Variants in SYNPR observed in about 807,000 individuals in gnomAD.
SYNPR encodes the protein synaptoporin.
SYNPR carries 23 observed loss-of-function variants against 32.9 expected under a neutral mutation model. The observed-to-expected ratio is 0.70, with a 90% CI of 0.50 to 0.99. SYNPR has a LOEUF of 0.99. Among genes scored for constraint, SYNPR ranks in the 50% least tolerant of loss-of-function variants. The probability of loss-of-function intolerance (pLI) is 0.00; values close to 1 mark genes in which losing one functional copy is unlikely to be tolerated. For missense variants in SYNPR, 318 were observed against 349.3 expected (o/e 0.91, Z 0.71); for synonymous variants, 146 against 135.9 (o/e 1.07, Z -0.52).
At chr3:63,203,205 T>C in the SYNPR span, 3 of 151,434 alleles carry the variant, frequency 2.0e-5, no homozygotes, top group Non-Finnish European at 4.4e-5. Context: ...AGCAGAAATA[T>C]TAGGATTCTA....
At chr3:63,522,242 C>T (rs868327683) in intron 3 of SYNPR, among the ~76,000 whole-genome samples, 1 of 152,186 alleles carries the variant, frequency 6.6e-6, no homozygotes, top group Non-Finnish European at 1.5e-5. Context: ...TAGGACCATC[C>T]TCTATCGTTC....
chr3:63,521,761 A>T (rs1701919388), intron 3 of SYNPR, among the ~76,000 whole-genome samples: 1 of 152,204 alleles, frequency 6.6e-6, no homozygotes, highest in African/African-American at 2.4e-5. Flanking sequence ...TGCAGGAAAC[A>T]CTTGGCACAT....
intron 2 of SYNPR, among the ~76,000 whole-genome samples, chr3:63,323,654 C>T (rs1184457008): frequency 6.6e-6 from 1 of 151,046 alleles, no homozygotes; most frequent in Non-Finnish European, 1.5e-5. Flanking sequence ...TGGAGAATTA[C>T]AAATAAAAGA....
At chr3:63,221,444 G>A in the SYNPR span, among the ~76,000 whole-genome samples, 2 of 152,148 alleles carry the variant, frequency 1.3e-5, no homozygotes, top group African/African-American at 4.8e-5. Flanking sequence ...AAATACTGAT[G>A]TAATCTTTGA....
chr3:63,408,328 G>T lies in SYNPR; in HGVS notation c.85-72504G>T, dbSNP rs574912566. ...GGAAGGAAGGAAGGAAGGAAAGAAA[G>T]AAAGAAAGAAAGAAAGAAAGAAAGA... On this transcript the variant is annotated intron_variant, in intron 2 of 5. Coordinates refer to ENST00000478300, the MANE Select transcript of SYNPR (RefSeq NM_001130003.2). Among the ~76,000 whole-genome samples, 20 of 125,842 alleles carry T rather than the reference G, an allele frequency of 1.6e-4. No individual in the cohort carries two copies. In the East Asian group the frequency reaches 3.4e-3, roughly 21 times the overall value. The allele number at this position is 125,842 out of a possible 152,430, so 82.6% of individuals were successfully genotyped here.
intron 2 of SYNPR, among the ~76,000 whole-genome samples, chr3:63,425,997 G>T (rs7650905): frequency 0.069 from 10,515 of 151,900 alleles, 755 homozygotes; most frequent in African/African-American, 0.18. Flanking sequence ...ATATTGGCCC[G>T]GCTGGTCTTG....
chr3:63,338,460 T>A (rs1252975957), intron 2 of SYNPR, among the ~76,000 whole-genome samples: 2 of 152,178 alleles, frequency 1.3e-5, no homozygotes, highest in South Asian at 4.1e-4. Flanking sequence ...TTGGTAGCAA[T>A]AGAGTTAAGT....
chr3:63,255,858 G>T lies in SYNPR; in HGVS notation n.154+3272G>T, dbSNP rs569307370. ...TGACAGATGGCACCTGGAAAACCGG[G>T]TCACTCCCACCCTAATACTGCACTT... On this transcript the variant is annotated intron_variant and non_coding_transcript_variant, in intron 2 of 4. Coordinates refer to the SYNPR transcript ENST00000478456. 6.6e-5 allele frequency among the ~76,000 whole-genome samples: 10 copies of T among 152,294 alleles called. No individual in the cohort carries two copies. In the South Asian group the frequency reaches 1.9e-3, roughly 28 times the overall value.
At chr3:63,361,616 A>G (rs1201337170) in intron 2 of SYNPR, among the ~76,000 whole-genome samples, 1 of 146,498 alleles carries the variant, frequency 6.8e-6, no homozygotes, top group Non-Finnish European at 1.5e-5. Flanking sequence ...AAAAAAAAAA[A>G]GGAGGGGGGG....
At chr3:63,454,691 T>C (rs1700447373) in intron 2 of SYNPR, among the ~76,000 whole-genome samples, 1 of 152,046 alleles carries the variant, frequency 6.6e-6, no homozygotes, top group Admixed American at 6.6e-5. Context: ...TACTTATTTG[T>C]CAATCCCTTG....
At chr3:63,610,697 T>C (rs1363903228) in intron 5 of SYNPR, 1 of 421,366 alleles carries the variant, frequency 2.4e-6, no homozygotes, top group Non-Finnish European at 4.2e-6. Flanking sequence ...ATAGACAGTA[T>C]TTAATGAAAG....
intron 2 of SYNPR, among the ~76,000 whole-genome samples, chr3:63,295,189 A>C (rs528153820): frequency 6.6e-6 from 1 of 152,300 alleles, no homozygotes; most frequent in South Asian, 2.1e-4. Flanking sequence ...ATTTTGGGCT[A>C]TGTCGGCCTC....
intron 2 of SYNPR, among the ~76,000 whole-genome samples, chr3:63,266,774 T>C (rs1051419049): frequency 6.6e-6 from 1 of 151,678 alleles, no homozygotes; most frequent in African/African-American, 2.4e-5. Context: ...TGTGTCTCAC[T>C]TGTCAACATG....
At chr3:63,405,665 C>A (rs558566580) in intron 2 of SYNPR, among the ~76,000 whole-genome samples, 6 of 152,226 alleles carry the variant, frequency 3.9e-5, no homozygotes, top group African/African-American at 1.4e-4. Context: ...CTTCAGGCTG[C>A]CATGTGGACA....
At chr3:63,520,259 TGGAATTCTGGGAAA>T (rs1415472343) in intron 3 of SYNPR, among the ~76,000 whole-genome samples, 3 of 152,222 alleles carry the variant, frequency 2.0e-5, no homozygotes, top group African/African-American at 7.2e-5. Flanking sequence ...GGAAGTTAAA[TGGAATTCTGGGAAA>T]GGAATTCTGG....
chr3:63,601,815 T>C (rs1700048892), intron 4 of SYNPR, among the ~76,000 whole-genome samples: 1 of 152,212 alleles, frequency 6.6e-6, no homozygotes, highest in South Asian at 2.1e-4. Context: ...GTCCTTATGG[T>C]AGAGTGATTT....
intron 4 of SYNPR, among the ~76,000 whole-genome samples, chr3:63,596,219 T>G (rs1024669702): frequency 2.0e-5 from 3 of 150,910 alleles, no homozygotes; most frequent in African/African-American, 7.3e-5. Context: ...CCCTTCTTCG[T>G]GCTCCCCTCT....
At chr3:63,455,838 G>A (rs7650629) in intron 2 of SYNPR, among the ~76,000 whole-genome samples, 62,489 of 151,038 alleles carry the variant, frequency 0.41, 14,130 homozygotes, top group African/African-American at 0.61. Flanking sequence ...TCCTGTTCCC[G>A]TTAAGTTTAT....
chr3:63,476,687 C>G, intron 2 of SYNPR, among the ~76,000 whole-genome samples: 1 of 152,182 alleles, frequency 6.6e-6, no homozygotes, highest in East Asian at 1.9e-4. Flanking sequence ...ACTTTCAACT[C>G]TCATTTTTTG....
Sources: allele counts gnomAD v4.1 joint callset (sites outside exome capture counted in the v4.1 genomes callset), GRCh38; gene constraint gnomAD v4.1.1; transcripts MANE v1.5; gene names NCBI Gene and HGNC (gene_info 2026-07-23, HGNC 2026-07-21).